The following ARHGAP11A variants were observed in gnomAD, a reference collection of about 807,000 sequenced individuals.
ARHGAP11A encodes rho GTPase-activating protein 11A.
Under a neutral mutation model 60.5 loss-of-function variants are expected in ARHGAP11A, and 36 were observed. The ratio of observed to expected loss-of-function variants is 0.59; its 90% CI spans 0.46 to 0.79. The LOEUF (loss-of-function observed/expected upper bound fraction) is 0.79, where lower values mean the gene tolerates loss of function less well. ARHGAP11A is among the 30% of genes least tolerant of loss of function. The pLI, the probability that ARHGAP11A is intolerant of heterozygous loss-of-function variation, is 0.00. For missense variants in ARHGAP11A, 1,071 were observed against 1,199.2 expected (o/e 0.89, Z 1.58); for synonymous variants, 362 against 415.5 (o/e 0.87, Z 1.57).
chr15:32,637,117 AT>A lies in ARHGAP11A; in HGVS notation c.2346del (p.Ile782MetfsTer20). 6.2e-7 allele frequency: 1 copy of A among 1,614,060 alleles called. No homozygotes were observed. Among genetic ancestry groups the A allele is most frequent in the Non-Finnish European group, 8.5e-7 (1 of 1,180,044 alleles). On this transcript the variant is annotated frameshift_variant, in exon 12 of 12. Coordinates refer to ENST00000361627, the MANE Select transcript of ARHGAP11A (RefSeq NM_014783.6). LOFTEE classifies it low-confidence loss of function (END_TRUNC). ...CTTGTCAAAACCTAGGCCTATGAGA[AT>A]TGCTAAACAGCAGTCATTGGAAACA... Reference protein sequence around the residue: ...TNLSKPRPMRIAKQQSLETCE... With the variant: ...TNLSKPRPMRXAKQQSLETCE...
intron 2 of ARHGAP11A, among the ~76,000 whole-genome samples, chr15:32,623,287 G>A (rs902785574): frequency 2.6e-5 from 4 of 152,206 alleles, no homozygotes; most frequent in African/African-American, 9.7e-5. Flanking sequence ...GCACATTGGA[G>A]TTGTTAGAAG....
In ARHGAP11A at chr15:32,625,504, A is replaced by G. The variant is rs534999347; in HGVS notation, c.733A>G (p.Ile245Val). 2 of 1,613,950 alleles carry G rather than the reference A, an allele frequency of 1.2e-6. No homozygotes were observed. Among genetic ancestry groups the G allele is most frequent in the Non-Finnish European group, 1.7e-6 (2 of 1,179,842 alleles). The change falls in exon 6 of 12, where the codon ATC (isoleucine) becomes GTC (valine). Residue 245 changes from isoleucine (I) to valine (V), a missense_variant. By Grantham distance (29) the Ile-to-Val change is conservative (BLOSUM62 3). Around this residue, in one of 4 missense-constraint regions of ARHGAP11A, gnomAD observed 196 missense variants for 272.1 expected, o/e 0.72. Coordinates refer to ENST00000361627, the MANE Select transcript of ARHGAP11A (RefSeq NM_014783.6). ...TCATTTAGGGCGTGTACCAGATTTT[A>G]TCCTGGAAAAGATACCAGCCATGTT... is the stretch of plus-strand genomic sequence containing the variant. ...ASDIGRVPDF[I>V]LEKIPAMLGI...
rs558809168 is a variant in ARHGAP11A at position 32,624,514 on chromosome 15, A to G, written c.551+88A>G. The G allele has an allele frequency of 1.6e-3, 2,392 of 1,474,606 alleles. 14 individuals are homozygous for G. The highest frequency in any genetic ancestry group is 1.5e-3 in the Non-Finnish European group (1,621 of 1,098,374). 91.3% of individuals were successfully genotyped at this position (1,474,606 alleles called of 1,614,324 possible). A position where few individuals can be genotyped will look rare whatever the true frequency, so the allele number is the denominator to read the frequency against. On this transcript the variant is annotated intron_variant, in intron 4 of 11. Coordinates refer to ENST00000361627, the MANE Select transcript of ARHGAP11A (RefSeq NM_014783.6). ...TGTAGATATGTACAATTTCATTTGG[A>G]ATGGAAATTTTTCTTTAAAAATTCC...
intron 2 of ARHGAP11A, among the ~76,000 whole-genome samples, chr15:32,621,782 A>G (rs1056434647): frequency 2.6e-5 from 4 of 151,970 alleles, no homozygotes; most frequent in Non-Finnish European, 4.4e-5. Flanking sequence ...AAATTGTACC[A>G]CTGCACTCCA....
intron 8 of ARHGAP11A, 105 bp downstream of exon 8, chr15:32,629,867 C>A: frequency 1.3e-6 from 1 of 757,230 alleles, no homozygotes; most frequent in Non-Finnish European, 2.1e-6. Context: ...GGAACTAGAA[C>A]TTTATTCTGT....
At position 32,638,949 on chromosome 15, in the gene ARHGAP11A, AC is replaced by A. The variant is rs1348080823; in HGVS notation, c.*1106del. 2 of 152,620 alleles carry A rather than the reference AC, an allele frequency of 1.3e-5. No individual in the cohort carries two copies. The highest frequency in any genetic ancestry group is 4.8e-5 in the African/African-American group (2 of 41,434). 9.5% of individuals were successfully genotyped at this position (152,620 alleles called of 1,614,324 possible). ...TTTGAAATAGTAGATGCACCTCTTT[AC>A]CTTTTTTACTTGGATAAAAACCTAT... On this transcript the variant is annotated 3_prime_UTR_variant, in exon 12 of 12. Coordinates refer to ENST00000361627, the MANE Select transcript of ARHGAP11A (RefSeq NM_014783.6).
At position 32,636,384 on chromosome 15, in the gene ARHGAP11A, T is replaced by A. The variant is rs2053714119; in HGVS notation, c.1611T>A (p.Ala537=). The A allele has an allele frequency of 6.2e-7, 1 of 1,614,126 alleles. No individual in the cohort carries two copies. The highest frequency in any genetic ancestry group is 1.1e-5 in the South Asian group (1 of 91,078). Residue 537 remains alanine (A), a synonymous_variant, in exon 12 of 12, where the codon GCT becomes GCA. Coordinates refer to ENST00000361627, the MANE Select transcript of ARHGAP11A (RefSeq NM_014783.6). The part of the protein sequence containing the change: ...SSFQEVDANE[A]SSMVENLEVE... Reference sequence around the variant, plus strand: ...TTCAAGAAGTAGATGCAAATGAAGCTTCTTCAATGGTGGAAAATCTTGAGG... The same window carrying A: ...TTCAAGAAGTAGATGCAAATGAAGCATCTTCAATGGTGGAAAATCTTGAGG...
intron 7 of ARHGAP11A, among the ~76,000 whole-genome samples, chr15:32,629,226 G>T (rs936821796): frequency 1.4e-5 from 2 of 144,064 alleles, no homozygotes; most frequent in East Asian, 4.0e-4. Flanking sequence ...GTGAAGAAAT[G>T]AACTGGTTAA....
At position 32,639,102 on chromosome 15, in the gene ARHGAP11A, C is replaced by G. The variant is rs909374709; in HGVS notation, c.*1257C>G. 2.0e-5 allele frequency: 3 copies of G among 152,592 alleles called. No homozygotes were observed. Among genetic ancestry groups the G allele is most frequent in the Non-Finnish European group, 4.4e-5 (3 of 68,030 alleles). 9.5% of individuals were successfully genotyped at this position (152,592 alleles called of 1,614,324 possible). A position where few individuals can be genotyped will look rare whatever the true frequency, so the allele number is the denominator to read the frequency against. On this transcript the variant is annotated 3_prime_UTR_variant, in exon 12 of 12. Coordinates refer to ENST00000361627, the MANE Select transcript of ARHGAP11A (RefSeq NM_014783.6). ...CCATTTAGAACATGCACCAAATTGT[C>G]AAGTAAATCTGTCTAAATTTATATT...
intron 1 of ARHGAP11A, among the ~76,000 whole-genome samples, chr15:32,618,866 G>A (rs1402920547): frequency 6.6e-6 from 1 of 151,702 alleles, no homozygotes; most frequent in African/African-American, 2.4e-5. Flanking sequence ...GCAGGAGAAT[G>A]GGTGAACCCG....
chr15:32,619,331 C>T (rs2053241799), intron 1 of ARHGAP11A, among the ~76,000 whole-genome samples: 1 of 152,168 alleles, frequency 6.6e-6, no homozygotes, highest in South Asian at 2.1e-4. Flanking sequence ...TGGAAAGCGA[C>T]ACATTTTTAA....
At chr15:32,617,199 T>C (rs1456558364) in intron 1 of ARHGAP11A, among the ~76,000 whole-genome samples, 1 of 152,166 alleles carries the variant, frequency 6.6e-6, no homozygotes, top group Non-Finnish European at 1.5e-5. Context: ...ATACGTTGCT[T>C]TTAATAGTTT....
At position 32,636,825 on chromosome 15, in the gene ARHGAP11A, A is replaced by G; in HGVS notation, c.2052A>G (p.Arg684=). 1 of 1,606,808 alleles carries G rather than the reference A, an allele frequency of 6.2e-7. No homozygotes were observed. The highest frequency in any genetic ancestry group is 8.5e-7 in the Non-Finnish European group (1 of 1,178,196). Residue 684 remains arginine, a synonymous_variant, in exon 12 of 12, where the codon AGA becomes AGG. Coordinates refer to ENST00000361627, the MANE Select transcript of ARHGAP11A (RefSeq NM_014783.6). ...FSPLQTQTFN[R]ETTIKCYSTQ... Reference sequence around the variant, plus strand: ...CCCTTCAAACTCAAACATTTAATAGAGAAACAACTATAAAATGTTATTCAA... The same window carrying G: ...CCCTTCAAACTCAAACATTTAATAGGGAAACAACTATAAAATGTTATTCAA...
intron 10 of ARHGAP11A, 145 bp from the exon 11 acceptor site, chr15:32,635,628 ATGTT>A (rs2053686893): frequency 5.8e-6 from 3 of 518,008 alleles, no homozygotes; most frequent in Admixed American, 8.1e-5. Flanking sequence ...GCAGGCAAGA[ATGTT>A]TGTCATTGTT....
At chr15:32,633,831 T>A in intron 9 of ARHGAP11A, 102 bp from the exon 10 acceptor site, 2 of 682,780 alleles carry the variant, frequency 2.9e-6, no homozygotes, top group South Asian at 1.9e-5. Context: ...ATCCAATTAT[T>A]ATCAATATGA....
At position 32,633,035 on chromosome 15, in the gene ARHGAP11A, A is replaced by C. The variant is rs2053620205; in HGVS notation, c.1162A>C (p.Ile388Leu). 11 of 1,614,138 alleles carry C rather than the reference A, an allele frequency of 6.8e-6. No homozygotes were observed. Among genetic ancestry groups the C allele is most frequent in the Non-Finnish European group, 9.3e-6 (11 of 1,179,968 alleles). The change falls in exon 9 of 12, where the codon ATT becomes CTT. Residue 388 changes from isoleucine (I) to leucine (L), a missense_variant. By Grantham distance (5) the Ile-to-Leu change is conservative. Transcript: ENST00000361627. Reference sequence around the variant, plus strand: ...TCAGAGTTCACTCTCTCCTGTACTCATTGGTGGAAACCATTTGATCACTGC... The same window carrying C: ...TCAGAGTTCACTCTCTCCTGTACTCCTTGGTGGAAACCATTTGATCACTGC... ...SSQSSLSPVL[I>L]GGNHLITAGV...
At chr15:32,617,615 G>C (rs2053189552) in intron 1 of ARHGAP11A, among the ~76,000 whole-genome samples, 1 of 151,912 alleles carries the variant, frequency 6.6e-6, no homozygotes, top group Admixed American at 6.6e-5. Context: ...GGGACTACAG[G>C]CGCCCGCCAC....
chr15:32,617,174 G>A (rs1210006342), intron 1 of ARHGAP11A, among the ~76,000 whole-genome samples: 1 of 152,082 alleles, frequency 6.6e-6, no homozygotes, highest in African/African-American at 2.4e-5. Flanking sequence ...TTGGAGACAA[G>A]CTAATAAAAT....
Position 32,626,588 on chromosome 15 carries a change from TTATG to T in ARHGAP11A, c.862+960_862+963del, listed in dbSNP as rs559457282. Among the ~76,000 whole-genome samples the T allele has an allele frequency of 7.3e-3, 1,113 of 152,328 alleles. 9 individuals are homozygous for T. The highest frequency in any genetic ancestry group is 0.011 in the Non-Finnish European group (754 of 68,028). ...TTGTAGATAGGATAATACTGATGAC[TTATG>T]TATGATTTTCCTAGGGCTACTGTAG... is the stretch of plus-strand genomic sequence containing the variant. On this transcript the variant is annotated intron_variant, in intron 6 of 11. Coordinates refer to ENST00000361627, the MANE Select transcript of ARHGAP11A (RefSeq NM_014783.6).
Sources: allele counts gnomAD v4.1 joint callset (sites outside exome capture counted in the v4.1 genomes callset), GRCh38; gene constraint gnomAD v4.1.1; regional missense constraint gnomAD v4.1.1; transcripts MANE v1.5; gene names NCBI Gene and HGNC (gene_info 2026-07-23, HGNC 2026-07-21).